Variants in METTL3 observed in about 807,000 individuals in gnomAD.
The protein encoded by METTL3 is methyltransferase 3, N6-adenosine-methyltransferase complex catalytic subunit, also known as N(6)-adenosine-methyltransferase catalytic subunit METTL3.
In METTL3, 42 loss-of-function variants were observed where a neutral mutation model predicts 64.3. The ratio of observed to expected loss-of-function variants is 0.65; its 90% confidence interval spans 0.51 to 0.84. METTL3 has a LOEUF of 0.84. Among genes scored for constraint, METTL3 ranks in the 40% least tolerant of loss-of-function variants. The probability of loss-of-function intolerance (pLI) is 0.00; values close to 1 mark genes in which losing one functional copy is unlikely to be tolerated. For synonymous variants in METTL3, 256 were observed against 263.6 expected (o/e 0.97, Z 0.28); for missense variants, 435 against 722.3 (o/e 0.60, Z 4.56).
chr14:21,503,711 A>C lies in METTL3; in HGVS notation c.271T>G (p.Leu91Val), dbSNP rs1252254898. 1 of 1,614,266 alleles carries C rather than the reference A, an allele frequency of 6.2e-7. No individual in the cohort carries two copies. Among genetic ancestry groups the C allele is most frequent in the Admixed American group, 1.7e-5 (1 of 60,032 alleles). Residue 91 changes from leucine to valine, a missense_variant, in exon 2 of 11, where the codon TTA (leucine) becomes GTA (valine). Transcript: ENST00000298717. ...KLLHHLSDLA[L>V]TLPTDAVSIC... ...GACACAGCATCAGTGGGCAATGTTAAGGCCAGATCAGAGAGGTGGTGTAGC... is the reference window on the plus strand; with the variant it reads ...GACACAGCATCAGTGGGCAATGTTACGGCCAGATCAGAGAGGTGGTGTAGC...
chr14:21,503,122 C>G, intron 3 of METTL3, 51 bp downstream of exon 3: 1 of 1,543,348 alleles, frequency 6.5e-7, no homozygotes, highest in Non-Finnish European at 8.7e-7. Context: ...CCCTGTCAAA[C>G]AAAGCTATAA....
intron 1 of METTL3, chr14:21,504,650 G>T (rs1471774136): frequency 6.6e-6 from 1 of 152,160 alleles, no homozygotes; most frequent in East Asian, 1.9e-4. Context: ...TTCCATTCTG[G>T]TAAGGCACTG....
At chr14:21,508,098 AT>A (rs1203411735) in intron 1 of METTL3, 1 of 152,160 alleles carries the variant, frequency 6.6e-6, no homozygotes, top group African/African-American at 2.4e-5. Flanking sequence ...CTACAAAGAA[AT>A]AAAAATTAAA....
At chr14:21,506,380 C>T (rs1309190594) in intron 1 of METTL3, among the ~76,000 whole-genome samples, 2 of 151,828 alleles carry the variant, frequency 1.3e-5, no homozygotes, top group South Asian at 2.1e-4. Context: ...GGTGAAACCC[C>T]GTCTCTACTA....
Position 21,503,414 on chromosome 14 carries a change from G to A in METTL3, c.482C>T (p.Ala161Val). The part of the protein sequence containing the change: ...SKLSAMMGAV[A>V]EKKGPGEVAG... ...TACCTCCCCAGGGCCCTTCTTTTCT[G>A]CCACAGCACCCATCATGGCAGAGAG... Residue 161 changes from alanine (A) to valine (V), a missense_variant, in exon 3 of 11, where the codon GCA becomes GTA. By Grantham distance (64) the Ala-to-Val change is moderately conservative (BLOSUM62 0). Around this residue, in one of 9 missense-constraint regions of METTL3, gnomAD observed 228 missense variants for 279.6 expected, o/e 0.82. Transcript: ENST00000298717. 1 of 1,614,098 alleles carries A rather than the reference G, an allele frequency of 6.2e-7. No homozygotes were observed. The highest frequency in any genetic ancestry group is 8.5e-7 in the Non-Finnish European group (1 of 1,180,018).
intron 3 of METTL3, 112 bp from the exon 4 acceptor site, chr14:21,502,015 T>C (rs1891581439): frequency 1.9e-6 from 1 of 519,048 alleles, no homozygotes; most frequent in Admixed American, 4.2e-5. Flanking sequence ...AAATCAACTT[T>C]TTTTTTTTTT....
At position 21,504,014 on chromosome 14, in the gene METTL3, G is replaced by A. The variant is rs1012441881; in HGVS notation, c.101-133C>T. Reference sequence around the variant, plus strand: ...GCAGGAAATTCTGTGACCAACTTTAGCACTAGATTACCTATCCTCAATCAT... The same window carrying A: ...GCAGGAAATTCTGTGACCAACTTTAACACTAGATTACCTATCCTCAATCAT... On this transcript the variant is annotated intron_variant, in intron 1 of 10. Coordinates refer to ENST00000298717, the MANE Select transcript of METTL3 (RefSeq NM_019852.5). 3 of 728,696 alleles carry A rather than the reference G, an allele frequency of 4.1e-6. No homozygotes were observed. In the Admixed American group the frequency reaches 8.3e-5, roughly 20 times the overall value. The allele number at this position is 728,696 out of a possible 1,614,324, so 45.1% of individuals were successfully genotyped here.
intron 3 of METTL3, 36 bp from the exon 4 acceptor site, chr14:21,501,939 A>G (rs746662955): frequency 1.3e-6 from 2 of 1,599,152 alleles, no homozygotes; most frequent in East Asian, 4.5e-5. Flanking sequence ...AAAATGTCTT[A>G]TAGATCAAAT....
At chr14:21,498,932 A>C (rs1891482835) in intron 10 of METTL3, 93 bp downstream of exon 10, 1 of 806,644 alleles carries the variant, frequency 1.2e-6, no homozygotes, top group Non-Finnish European at 2.1e-6. Flanking sequence ...TCATTTATGG[A>C]CTAGTGTAAA....
chr14:21,502,702 GC>G (rs1891597958), intron 3 of METTL3: 1 of 159,686 alleles, frequency 6.3e-6, no homozygotes, highest in African/African-American at 2.4e-5. Context: ...CTCATGTCAG[GC>G]CAATGCTTAT....
At position 21,503,132 on chromosome 14, in the gene METTL3, A is replaced by C. The variant is rs191181121; in HGVS notation, c.723+41T>G. The C allele has an allele frequency of 3.8e-4, 595 of 1,560,026 alleles. 6 individuals are homozygous for C. The highest frequency in any genetic ancestry group is 3.9e-5 in the Non-Finnish European group (45 of 1,154,050). ...TAAATCCCTGTCAAACAAAGCTATAATTAAGAGCATATTGTGAGAGTATTT... is the reference window on the plus strand; with the variant it reads ...TAAATCCCTGTCAAACAAAGCTATACTTAAGAGCATATTGTGAGAGTATTT... On this transcript the variant is annotated intron_variant, in intron 3 of 10. Coordinates refer to ENST00000298717, the MANE Select transcript of METTL3 (RefSeq NM_019852.5).
chr14:21,506,613 A>G (rs921964638), intron 1 of METTL3, among the ~76,000 whole-genome samples: 3 of 152,262 alleles, frequency 2.0e-5, no homozygotes, highest in African/African-American at 7.2e-5. Flanking sequence ...TCATACACCC[A>G]GGTTCATAGC....
In METTL3 at chr14:21,499,264, C is replaced by T. The variant is rs1891494317; in HGVS notation, c.1518+42G>A. The stretch of plus-strand genomic sequence containing the variant: ...TACACCCAACATGAATAACTGATAC[C>T]AACAAAAATGTGGAAGCTTTGGAGG... On this transcript the variant is annotated intron_variant, in intron 9 of 10. Transcript: ENST00000298717. 5 of 1,611,832 alleles carry T rather than the reference C, an allele frequency of 3.1e-6. No homozygotes were observed. The East Asian group carries it at 1.1e-4, about 36-fold the overall frequency.
At chr14:21,508,175 G>C (rs1369657065) in intron 1 of METTL3, 1 of 151,962 alleles carries the variant, frequency 6.6e-6, no homozygotes, top group African/African-American at 2.4e-5. Context: ...GAGGCAGGAG[G>C]ATCACTTGAG....
intron 1 of METTL3, among the ~76,000 whole-genome samples, chr14:21,505,390 T>A (rs1891672978): frequency 6.6e-6 from 1 of 152,252 alleles, no homozygotes; most frequent in Admixed American, 6.5e-5. Flanking sequence ...ACTTTTCTCA[T>A]TGGTAATCTG....
intron 1 of METTL3, among the ~76,000 whole-genome samples, chr14:21,509,929 C>T (rs1891792109): frequency 6.6e-6 from 1 of 152,228 alleles, no homozygotes; most frequent in Non-Finnish European, 1.5e-5. Flanking sequence ...ACTTGCACTT[C>T]TTACTCCACT....
chr14:21,501,392 G>A (rs2139642646), intron 4 of METTL3: 2 of 550,566 alleles, frequency 3.6e-6, no homozygotes, highest in East Asian at 6.3e-5. Context: ...GGGTAGAACA[G>A]AATAAAACAC....
intron 6 of METTL3, 143 bp from the exon 7 acceptor site, chr14:21,499,945 G>C (rs561913376): frequency 6.7e-6 from 5 of 748,280 alleles, no homozygotes; most frequent in Non-Finnish European, 1.1e-5. Flanking sequence ...AAGCATGGTG[G>C]ATCTAAGAAC....
chr14:21,506,953 A>G (rs1891712876), intron 1 of METTL3, among the ~76,000 whole-genome samples: 2 of 152,156 alleles, frequency 1.3e-5, no homozygotes, highest in Admixed American at 6.5e-5. Context: ...GCTAATTTTT[A>G]TATTTTTAGT....
Sources: gnomAD v4.1 joint callset for allele counts (sites outside exome capture counted in the v4.1 genomes callset) on GRCh38, gnomAD v4.1.1 for gene constraint, gnomAD v4.1.1 regional missense constraint, MANE v1.5 for transcripts, NCBI Gene and HGNC (gene_info 2026-07-23, HGNC 2026-07-21) for gene names.